Variants in EMG1 observed in about 807,000 individuals in gnomAD.
The protein encoded by EMG1 is EMG1 N1-specific pseudouridine methyltransferase.
In EMG1, 24 loss-of-function variants were observed where a neutral mutation model predicts 26.9. The ratio of observed to expected loss-of-function variants is 0.89; its 90% confidence interval spans 0.65 to 1.26. The LOEUF (loss-of-function observed/expected upper bound fraction) is 1.26, where lower values mean the gene tolerates loss of function less well. Among genes scored for constraint, EMG1 ranks in the 50% most tolerant of loss-of-function variants. EMG1 has a pLI of 0.00. For missense variants in EMG1, 299 were observed against 307.6 expected (o/e 0.97, Z 0.21); for synonymous variants, 140 against 112.6 (o/e 1.24, Z -1.54).
chr12:6,989,594 G>A (rs1438039462), downstream of EMG1, among the ~76,000 whole-genome samples: 2 of 152,006 alleles, frequency 1.3e-5, no homozygotes, highest in South Asian at 2.1e-4. Flanking sequence ...CACCGTGCCC[G>A]GCCAATGCTG....
Position 6,975,949 on chromosome 12 carries a change from G to A in EMG1, c.*140G>A. On this transcript the variant is annotated 3_prime_UTR_variant, in exon 6 of 6. Coordinates refer to ENST00000599672, the MANE Select transcript of EMG1 (RefSeq NM_006331.8). ...AGCCAAGGCTGTACATTTGCTATTT[G>A]TTTATCCTATGAATACTGTTCTTGC... 1 of 628,928 alleles carries A rather than the reference G, an allele frequency of 1.6e-6. No homozygotes were observed. Among genetic ancestry groups the A allele is most frequent in the Non-Finnish European group, 2.8e-6 (1 of 351,054 alleles). The allele number at this position is 628,928 out of a possible 1,614,324, so 39.0% of individuals were successfully genotyped here. A position where few individuals can be genotyped will look rare whatever the true frequency, so the allele number is the denominator to read the frequency against.
rs782633987 is a variant in EMG1, at chr12:6,971,039, G to A, written c.116G>A (p.Gly39Glu). The change falls in exon 1 of 6, where the codon GGA (glycine) becomes GAA (glutamate). Residue 39 changes from glycine (G) to glutamate (E), a missense_variant. Gly to Glu is a moderately conservative substitution (Grantham distance 98). Transcript: ENST00000599672. ...RPRLGAGNKI[G>E]GRRLIVVLEG... ...CGACTAGGGGCAGGAAACAAGATCG[G>A]AGGCCGTAGGCTTATTGTGGTGCTG... 1.4e-5 allele frequency: 23 copies of A among 1,611,678 alleles called. No individual in the cohort carries two copies. Among genetic ancestry groups the A allele is most frequent in the Non-Finnish European group, 1.7e-6 (2 of 1,178,940 alleles).
Position 6,979,446 on chromosome 12 carries a change from T to C in EMG1, c.*3637T>C. 6.5e-7 allele frequency: 1 copy of C among 1,530,642 alleles called. No individual in the cohort carries two copies. Among genetic ancestry groups the C allele is most frequent in the South Asian group, 1.1e-5 (1 of 89,320 alleles). 94.8% of individuals were successfully genotyped at this position (1,530,642 alleles called of 1,614,324 possible). A position where few individuals can be genotyped will look rare whatever the true frequency, so the allele number is the denominator to read the frequency against. On this transcript the variant is annotated 3_prime_UTR_variant, in exon 6 of 6. Transcript: ENST00000599672. ...TTTTCTAGCTCTGGTGCAGTCATGC[T>C]GCTGCTGCTTTAGTAGACACTCACG... is the stretch of plus-strand genomic sequence containing the variant.
intron 5 of EMG1, 70 bp downstream of exon 5, chr12:6,975,448 G>T: frequency 6.8e-7 from 1 of 1,466,698 alleles, no homozygotes. Context: ...AGAGCAGTAG[G>T]CATTTTAACA....
At chr12:6,975,457 C>A in intron 5 of EMG1, 79 bp downstream of exon 5, 4 of 1,380,952 alleles carry the variant, frequency 2.9e-6, no homozygotes, top group African/African-American at 2.9e-5. Context: ...GGCATTTTAA[C>A]AATGCTTACA....
In EMG1 at chr12:6,978,534, T is replaced by C. The variant is rs782773722; in HGVS notation, c.*2725T>C. 3 of 1,611,998 alleles carry C rather than the reference T, an allele frequency of 1.9e-6. No homozygotes were observed. The highest frequency in any genetic ancestry group is 2.2e-5 in the South Asian group (2 of 90,940). On this transcript the variant is annotated 3_prime_UTR_variant, in exon 6 of 6. Coordinates refer to ENST00000599672, the MANE Select transcript of EMG1 (RefSeq NM_006331.8). ...TGAGAGGGAATAGCTCAGTTAGGGC[T>C]CTTGCCACTCCCCATACTGGCCCCC...
downstream of EMG1, among the ~76,000 whole-genome samples, chr12:6,980,136 C>T (rs1327723119): frequency 6.6e-6 from 1 of 150,838 alleles, no homozygotes; most frequent in Non-Finnish European, 1.5e-5. Context: ...TGGCCTTGAA[C>T]TCCTGGGCTC....
chr12:6,987,049 G>T lies in EMG1; in HGVS notation c.*155-733G>T, dbSNP rs1164512684. Among the ~76,000 whole-genome samples, 1 of 151,996 alleles carries T rather than the reference G, an allele frequency of 6.6e-6. No homozygotes were observed. The highest frequency in any genetic ancestry group is 1.5e-5 in the Non-Finnish European group (1 of 68,000). On this transcript the variant is annotated intron_variant and NMD_transcript_variant, in intron 6 of 7. Transcript: ENST00000261406. This position sits in a 1 kb window ranked among gnomAD's most constrained non-coding sequence, Gnocchi z 4.1. The stretch of plus-strand genomic sequence containing the variant: ...AATTGCTTGAACCCAGGAGGCGGAG[G>T]TGGCAGTGAGCTGAGATCACGCCAT...
At chr12:6,985,936 A>C (rs915629302) in intron 6 of EMG1, among the ~76,000 whole-genome samples, 2 of 151,776 alleles carry the variant, frequency 1.3e-5, no homozygotes, top group African/African-American at 4.8e-5. Flanking sequence ...CACCATGCCC[A>C]GTGAATTTTT....
At chr12:6,996,207 C>T (rs1946634799) in intron 7 of EMG1, among the ~76,000 whole-genome samples, 1 of 152,230 alleles carries the variant, frequency 6.6e-6, no homozygotes, top group African/African-American at 2.4e-5. Flanking sequence ...TAAGCAGGTC[C>T]AGCCTTGGTG....
At chr12:6,982,309 G>A (rs1221088313), downstream of EMG1, among the ~76,000 whole-genome samples, 1 of 152,164 alleles carries the variant, frequency 6.6e-6, no homozygotes, top group Non-Finnish European at 1.5e-5. Flanking sequence ...AAGGTGCTGG[G>A]ATTACAGGTG....
In EMG1 at chr12:6,977,874, G is replaced by GC; in HGVS notation, c.*2065_*2066insC. Reference sequence around the variant, plus strand: ...GGTTCCCACGTGTAGCCCCCAGAGGGTACAGGAGGCAGTGCTGACTGATTA... The same window carrying GC: ...GGTTCCCACGTGTAGCCCCCAGAGGGCTACAGGAGGCAGTGCTGACTGATTA... On this transcript the variant is annotated 3_prime_UTR_variant, in exon 6 of 6. Coordinates refer to ENST00000599672, the MANE Select transcript of EMG1 (RefSeq NM_006331.8). The surrounding 1 kb of genome is among the most constrained non-coding windows in gnomAD (Gnocchi z 4.5). 3 of 1,074,092 alleles carry GC rather than the reference G, an allele frequency of 2.8e-6. No homozygotes were observed. The highest frequency in any genetic ancestry group is 4.1e-6 in the Non-Finnish European group (3 of 724,408). The allele number at this position is 1,074,092 out of a possible 1,614,324, so 66.5% of individuals were successfully genotyped here.
At chr12:6,975,034 TGGACA>T in intron 3 of EMG1, 51 bp from the exon 4 acceptor site, 1 of 1,550,924 alleles carries the variant, frequency 6.4e-7, no homozygotes, top group Non-Finnish European at 8.9e-7. Context: ...GTTCGATGAC[TGGACA>T]GAAGGACTGT....
chr12:6,986,795 CA>C (rs1157395768), intron 6 of EMG1, among the ~76,000 whole-genome samples: 868 of 33,904 alleles, frequency 0.026, 4 homozygotes, highest in South Asian at 0.067. Context: ...GACTCTGTCT[CA>C]AAAAAAAAAA....
At chr12:6,984,012 C>T (rs1180499357), downstream of EMG1, among the ~76,000 whole-genome samples, 1 of 152,282 alleles carries the variant, frequency 6.6e-6, no homozygotes, top group East Asian at 1.9e-4. Flanking sequence ...TGAGCGTACC[C>T]ATCTATGCTC....
chr12:6,985,391 G>T (rs143930779), intron 6 of EMG1, among the ~76,000 whole-genome samples: 5 of 151,584 alleles, frequency 3.3e-5, no homozygotes, highest in African/African-American at 1.2e-4. Flanking sequence ...GCGAGATTCC[G>T]TCTCAAAAAA....
chr12:6,977,869 A>T lies in EMG1; in HGVS notation c.*2060A>T. 2 of 1,133,520 alleles carry T rather than the reference A, an allele frequency of 1.8e-6. No homozygotes were observed. Among genetic ancestry groups the T allele is most frequent in the Non-Finnish European group, 2.6e-6 (2 of 769,868 alleles). The allele number at this position is 1,133,520 out of a possible 1,614,324, so 70.2% of individuals were successfully genotyped here. A position where few individuals can be genotyped will look rare whatever the true frequency, so the allele number is the denominator to read the frequency against. ...TGGTGGGTTCCCACGTGTAGCCCCC[A>T]GAGGGTACAGGAGGCAGTGCTGACT... On this transcript the variant is annotated 3_prime_UTR_variant, in exon 6 of 6. Coordinates refer to ENST00000599672, the MANE Select transcript of EMG1 (RefSeq NM_006331.8). The surrounding 1 kb of genome is among the most constrained non-coding windows in gnomAD (Gnocchi z 4.5).
chr12:6,992,231 G>A (rs1946595894), downstream of EMG1, among the ~76,000 whole-genome samples: 1 of 151,904 alleles, frequency 6.6e-6, no homozygotes, highest in Admixed American at 6.6e-5. Flanking sequence ...AGCTACTCAG[G>A]AGGCTGAGGT....
chr12:6,971,158 G>A (rs1946321068), intron 1 of EMG1, 67 bp downstream of exon 1: 1 of 1,351,456 alleles, frequency 7.4e-7, no homozygotes, highest in Non-Finnish European at 1.0e-6. Context: ...ATGAGGGTAA[G>A]GGGCCCAGAG....
Sources: gnomAD v4.1 joint callset for allele counts (sites outside exome capture counted in the v4.1 genomes callset) on GRCh38, gnomAD v4.1.1 for gene constraint, Gnocchi (gnomAD v3.1) non-coding constraint, MANE v1.5 for transcripts, NCBI Gene and HGNC (gene_info 2026-07-23, HGNC 2026-07-21) for gene names.